The following IFT122 variants were observed in gnomAD, a reference collection of about 807,000 sequenced individuals.
IFT122 encodes the protein intraflagellar transport 122, also known as intraflagellar transport protein 122 homolog.
IFT122 carries 118 observed loss-of-function variants against 161.6 expected under a neutral mutation model. That is an observed-to-expected ratio of 0.73 (90% confidence interval 0.63 to 0.85). IFT122 has a LOEUF of 0.85. IFT122 is among the 40% of genes least tolerant of loss of function. The pLI is 0.00. For missense variants in IFT122, 1,381 were observed against 1,579.6 expected, an observed-to-expected ratio of 0.87 and a Z score of 2.13; for synonymous variants, 550 against 602.4, an observed-to-expected ratio of 0.91 and a Z score of 1.27.
intron 7 of IFT122, among the ~76,000 whole-genome samples, chr3:129,465,996 A>G (rs1255316478): frequency 6.6e-6 from 1 of 151,998 alleles, no homozygotes; most frequent in East Asian, 1.9e-4. Flanking sequence ...TTTAGTAGAG[A>G]CAGGGTTTCA....
rs2081337187 is a variant in IFT122 at position 129,499,936 on chromosome 3, A to G, written c.2243A>G (p.Lys748Arg). 1.2e-6 allele frequency: 2 copies of G among 1,614,264 alleles called. No individual in the cohort carries two copies. The highest frequency in any genetic ancestry group is 2.2e-5 in the East Asian group (1 of 44,890). The change falls in exon 19 of 30, where the codon AAG becomes AGG. Residue 748 changes from lysine (K) to arginine (R), a missense_variant. By Grantham distance (26) the Lys-to-Arg change is conservative. This residue lies in a region of IFT122 where 496 missense variants were observed against 502.5 expected (regional missense o/e 0.99). Coordinates refer to ENST00000348417, the MANE Select transcript of IFT122 (RefSeq NM_052989.3). ...GGATCTGGAGACCCCAAAGAAACAA[A>G]GATGCTAATCACCAAACAGGCTGAC... is the stretch of plus-strand genomic sequence containing the variant. ...FLGSGDPKETKMLITKQADWA... is the reference protein window; with the variant it reads ...FLGSGDPKETRMLITKQADWA...
At position 129,519,650 on chromosome 3, in the gene IFT122, G is replaced by A. The variant is rs754808589; in HGVS notation, c.3554G>A (p.Arg1185Gln). ...SMSRRDVLIK[R>Q]WPPPLRWQYF... The stretch of plus-strand genomic sequence containing the variant: ...AGCCGCCGGGATGTCCTCATCAAGC[G>A]ATGGCCCCCACCCCTGAGGTGGCAA... The change falls in exon 29 of 30, where the codon CGA (arginine) becomes CAA (glutamine). Residue 1185 changes from arginine (R) to glutamine (Q), a missense_variant. Arg to Gln is a conservative substitution (Grantham distance 43). Transcript: ENST00000348417. 12 of 1,613,526 alleles carry A rather than the reference G, an allele frequency of 7.4e-6. No individual in the cohort carries two copies. The highest frequency in any genetic ancestry group is 4.5e-5 in the East Asian group (2 of 44,890).
At chr3:129,461,517 C>A in intron 5 of IFT122, 1 of 590,542 alleles carries the variant, frequency 1.7e-6, no homozygotes, top group Non-Finnish European at 3.1e-6. Context: ...ACATCAGAGA[C>A]TACAGGAAGG....
intron 9 of IFT122, among the ~76,000 whole-genome samples, chr3:129,469,948 A>C (rs571116822): frequency 6.6e-6 from 1 of 152,198 alleles, no homozygotes; most frequent in Admixed American, 6.5e-5. Context: ...GGTATGTGAC[A>C]CAATAGAAAG....
Position 129,495,499 on chromosome 3 carries a change from T to C in IFT122, c.2100T>C (p.Phe700=). ...TNNDLFLADV[F]SYQGKFHEAA... Reference sequence around the variant, plus strand: ...ATGACCTGTTTCTGGCAGATGTGTTTTCCTACCAGGGGAAGTTCCATGAGG... The same window carrying C: ...ATGACCTGTTTCTGGCAGATGTGTTCTCCTACCAGGGGAAGTTCCATGAGG... Residue 700 remains phenylalanine (F), a synonymous_variant, in exon 18 of 30, where the codon TTT becomes TTC. Coordinates refer to ENST00000348417, the MANE Select transcript of IFT122 (RefSeq NM_052989.3). 1 of 1,614,174 alleles carries C rather than the reference T, an allele frequency of 6.2e-7. No individual in the cohort carries two copies. The highest frequency in any genetic ancestry group is 8.5e-7 in the Non-Finnish European group (1 of 1,180,028).
At chr3:129,483,766 A>G in intron 15 of IFT122, 84 bp downstream of exon 15, 6 of 1,293,896 alleles carry the variant, frequency 4.6e-6, no homozygotes, top group Non-Finnish European at 6.6e-6. Flanking sequence ...TGCTTTGGGG[A>G]GAGAGTAGCA....
intron 5 of IFT122, 29 bp from the exon 6 acceptor site, chr3:129,463,531 A>C (rs1185682019): frequency 1.3e-6 from 2 of 1,597,336 alleles, no homozygotes; most frequent in African/African-American, 2.7e-5. Context: ...CAACCAATCC[A>C]TCTTCTTTTA....
intron 8 of IFT122, among the ~76,000 whole-genome samples, chr3:129,467,348 T>C (rs1042344448): frequency 6.6e-6 from 1 of 152,218 alleles, no homozygotes; most frequent in East Asian, 1.9e-4. Flanking sequence ...AGCAATCTAG[T>C]GTATTTCTCC....
intron 16 of IFT122, among the ~76,000 whole-genome samples, chr3:129,489,711 C>T (rs1234019746): frequency 1.3e-5 from 2 of 151,892 alleles, no homozygotes; most frequent in South Asian, 2.1e-4. Context: ...TGGTGGCAGG[C>T]GCCTGTAGTC....
chr3:129,463,246 T>TCCGTGGTC, intron 5 of IFT122: 1 of 325,552 alleles, frequency 3.1e-6, no homozygotes. Context: ...ATGTGTAGAT[T>TCCGTGGTC]GCCATCAGCG....
At chr3:129,515,209 G>A (rs531462780) in intron 25 of IFT122, 70 of 566,050 alleles carry the variant, frequency 1.2e-4, no homozygotes, top group Admixed American at 8.3e-4. Flanking sequence ...TGGTGGCAGC[G>A]GCCACTGTCA....
At chr3:129,505,936 A>AG (rs2082144615) in intron 21 of IFT122, among the ~76,000 whole-genome samples, 1 of 152,064 alleles carries the variant, frequency 6.6e-6, no homozygotes, top group Non-Finnish European at 1.5e-5. Context: ...GCTCATAAAA[A>AG]GGGGGATAAT....
chr3:129,445,788 A>G (rs576875617), intron 1 of IFT122, among the ~76,000 whole-genome samples: 1 of 152,334 alleles, frequency 6.6e-6, no homozygotes, highest in African/African-American at 2.4e-5. Flanking sequence ...ACCTCACAGA[A>G]TTATTGTGGA....
chr3:129,442,147 A>T (rs892700617), intron 1 of IFT122, among the ~76,000 whole-genome samples: 15 of 152,202 alleles, frequency 9.9e-5, no homozygotes, highest in Admixed American at 9.8e-4. Flanking sequence ...TGCTGGCCGA[A>T]TGCAGCCTGA....
intron 13 of IFT122, 110 bp downstream of exon 13, chr3:129,480,032 C>T (rs1364064360): frequency 1.9e-5 from 25 of 1,337,684 alleles, no homozygotes; most frequent in Admixed American, 8.7e-5. Flanking sequence ...AAGGGCTTCT[C>T]TCCTCCATGG....
chr3:129,500,116 CAT>C (rs1307715727), intron 19 of IFT122, 48 bp downstream of exon 19: 1 of 1,596,556 alleles, frequency 6.3e-7, no homozygotes, highest in Non-Finnish European at 8.6e-7. Context: ...CATGTCATCA[CAT>C]GTCACCTCTT....
chr3:129,461,202 G>A (rs1014093400), intron 4 of IFT122, 26 bp from the exon 5 acceptor site: 11 of 1,567,820 alleles, frequency 7.0e-6, no homozygotes, highest in Admixed American at 1.7e-5. Flanking sequence ...TTGCTGCATA[G>A]TAATCTACAG....
chr3:129,477,192 C>T (rs906503359), intron 11 of IFT122, among the ~76,000 whole-genome samples: 3 of 152,098 alleles, frequency 2.0e-5, no homozygotes, highest in Non-Finnish European at 2.9e-5. Flanking sequence ...TCTCCCTCAG[C>T]CCTGTCTCCA....
intron 25 of IFT122, chr3:129,514,921 C>T (rs1360022314): frequency 2.4e-6 from 1 of 408,494 alleles, no homozygotes; most frequent in Non-Finnish European, 4.6e-6. Context: ...CTTTCTGGAA[C>T]CAGGCTGTAG....
Sources: allele counts gnomAD v4.1 joint callset (sites outside exome capture counted in the v4.1 genomes callset), GRCh38; gene constraint gnomAD v4.1.1; regional missense constraint gnomAD v4.1.1; transcripts MANE v1.5; gene names NCBI Gene and HGNC (gene_info 2026-07-23, HGNC 2026-07-21).